Variants in GRIP1 observed in about 807,000 individuals in gnomAD.
The protein encoded by GRIP1 is glutamate receptor interacting protein 1.
Under a neutral mutation model 129.9 loss-of-function variants are expected in GRIP1, and 45 were observed. That is an observed-to-expected ratio of 0.35 (90% CI 0.27 to 0.44). The LOEUF (loss-of-function observed/expected upper bound fraction) is 0.44, where lower values mean the gene tolerates loss of function less well. Ranked by LOEUF, GRIP1 falls within the 20% of genes least tolerant of loss-of-function variation. GRIP1 has a pLI of 1.00. For missense variants in GRIP1, 1,196 were observed against 1,396.8 expected (o/e 0.86, Z 2.29); for synonymous variants, 530 against 520.8 (o/e 1.02, Z -0.24).
chr12:66,588,530 T>C (rs2063727083), intron 2 of GRIP1, among the ~76,000 whole-genome samples: 1 of 152,208 alleles, frequency 6.6e-6, no homozygotes, highest in Non-Finnish European at 1.5e-5. Context: ...TCTTCACATT[T>C]CATTCTAAGT....
At chr12:66,922,611 AC>A (rs1477685005) in intron 1 of GRIP1, among the ~76,000 whole-genome samples, 14 of 152,264 alleles carry the variant, frequency 9.2e-5, no homozygotes, top group African/African-American at 2.9e-4. Context: ...TAAAAACCAA[AC>A]CCATAATTCC....
intron 6 of GRIP1, among the ~76,000 whole-genome samples, chr12:66,516,759 C>T (rs6581701): frequency 0.46 from 69,565 of 152,088 alleles, 16,163 homozygotes; most frequent in African/African-American, 0.53. Context: ...TTTTGTTACC[C>T]GCTGCAAAAG....
At chr12:66,520,222 T>C (rs1318126183) in intron 5 of GRIP1, among the ~76,000 whole-genome samples, 1 of 152,198 alleles carries the variant, frequency 6.6e-6, no homozygotes, top group Non-Finnish European at 1.5e-5. Context: ...TGCCAAAATA[T>C]CTTATCTGCC....
intron 1 of GRIP1, among the ~76,000 whole-genome samples, chr12:66,655,485 A>T (rs910584507): frequency 6.6e-6 from 1 of 151,624 alleles, no homozygotes; most frequent in Non-Finnish European, 1.5e-5. Flanking sequence ...CCTCATTATC[A>T]CCCAAAGTCC....
chr12:66,359,575 C>G (rs992124521), intron 23 of GRIP1, among the ~76,000 whole-genome samples: 19 of 152,130 alleles, frequency 1.2e-4, no homozygotes, highest in Non-Finnish European at 4.4e-5. Flanking sequence ...TTTTCTGAGC[C>G]TCAGAGTTGA....
intron 1 of GRIP1, among the ~76,000 whole-genome samples, chr12:66,920,046 C>A (rs563461392): frequency 6.6e-6 from 1 of 151,812 alleles, no homozygotes; most frequent in East Asian, 1.9e-4. Flanking sequence ...TAAAGGTATA[C>A]CAAGAAAATG....
chr12:66,580,053 G>C (rs1234111241), intron 2 of GRIP1, among the ~76,000 whole-genome samples: 1 of 148,826 alleles, frequency 6.7e-6, no homozygotes, highest in Non-Finnish European at 1.5e-5. Flanking sequence ...ACTAACAGCG[G>C]ATCTCTTGGC....
intron 7 of GRIP1, among the ~76,000 whole-genome samples, chr12:66,511,705 C>G (rs2060703866): frequency 6.6e-6 from 1 of 152,128 alleles, no homozygotes; most frequent in Non-Finnish European, 1.5e-5. Flanking sequence ...ATAATGTAGA[C>G]TTTTGGGTGG....
chr12:67,037,489 A>G (rs1026683389), intron 1 of GRIP1: 1 of 152,052 alleles, frequency 6.6e-6, no homozygotes, highest in Non-Finnish European at 1.5e-5. Flanking sequence ...TTCTGCATAC[A>G]TTGCTGTAAA....
chr12:66,531,319 A>G (rs1009239837), intron 4 of GRIP1, among the ~76,000 whole-genome samples: 2 of 74,802 alleles, frequency 2.7e-5, no homozygotes, highest in African/African-American at 1.3e-4. Context: ...ACACACACAT[A>G]CATATACATA....
In GRIP1 at chr12:66,626,194, G is replaced by T. The variant is rs771410278; in HGVS notation, c.56-29267C>A. ...TACAAAAAACAAACAAAAACAATTG[G>T]CTAGCTATAGTGGCGTGCACCTGTG... On this transcript the variant is annotated intron_variant, in intron 1 of 24. Coordinates refer to ENST00000359742, the MANE Select transcript of GRIP1 (RefSeq NM_001366722.1). Among the ~76,000 whole-genome samples, 46 of 151,924 alleles carry T rather than the reference G, an allele frequency of 3.0e-4. 1 individual carries two copies. The highest frequency in any genetic ancestry group is 6.2e-4 in the South Asian group (3 of 4,812).
chr12:66,891,776 C>G (rs2040663197), intron 1 of GRIP1: 1 of 152,254 alleles, frequency 6.6e-6, no homozygotes, highest in African/African-American at 2.4e-5. Flanking sequence ...TGAGGAGATG[C>G]CATTAGAAAA....
chr12:66,770,762 A>C (rs957751300), intron 1 of GRIP1, among the ~76,000 whole-genome samples: 2 of 152,226 alleles, frequency 1.3e-5, no homozygotes, highest in Admixed American at 1.3e-4. Flanking sequence ...TCATGGTACC[A>C]GTAACCTCCA....
chr12:66,412,815 A>G (rs1177811218), intron 15 of GRIP1, among the ~76,000 whole-genome samples: 2 of 152,232 alleles, frequency 1.3e-5, no homozygotes, highest in Non-Finnish European at 2.9e-5. Context: ...TGAAAAACTG[A>G]CAAAAGCAGA....
At chr12:66,435,099 GA>G (rs1341527668) in intron 13 of GRIP1, among the ~76,000 whole-genome samples, 2 of 151,686 alleles carry the variant, frequency 1.3e-5, no homozygotes, top group East Asian at 3.9e-4. Flanking sequence ...GGGCATAGCA[GA>G]AAAAAATGAT....
At chr12:66,775,489 G>A (rs1211232633) in intron 1 of GRIP1, among the ~76,000 whole-genome samples, 1 of 152,032 alleles carries the variant, frequency 6.6e-6, no homozygotes, top group Non-Finnish European at 1.5e-5. Context: ...ATCTTCATTT[G>A]TCAATTTTAG....
At chr12:66,541,243 G>A (rs1334746553) in intron 3 of GRIP1, among the ~76,000 whole-genome samples, 1 of 152,200 alleles carries the variant, frequency 6.6e-6, no homozygotes. Flanking sequence ...AGTGGAATTT[G>A]CAGTTCATGG....
At chr12:66,896,194 T>C (rs1177358559) in intron 1 of GRIP1, among the ~76,000 whole-genome samples, 2 of 152,196 alleles carry the variant, frequency 1.3e-5, no homozygotes, top group African/African-American at 2.4e-5. Flanking sequence ...TGTGATGGGA[T>C]GACTGGAGGA....
intron 2 of GRIP1, among the ~76,000 whole-genome samples, chr12:66,563,193 T>C (rs1474659850): frequency 6.6e-6 from 1 of 152,116 alleles, no homozygotes; most frequent in Non-Finnish European, 1.5e-5. Flanking sequence ...TGTGTGTATA[T>C]ATACACATAT....
Sources: gnomAD v4.1 joint callset for allele counts (sites outside exome capture counted in the v4.1 genomes callset) on GRCh38, gnomAD v4.1.1 for gene constraint, MANE v1.5 for transcripts, NCBI Gene and HGNC (gene_info 2026-07-23, HGNC 2026-07-21) for gene names.